Variants in NRXN3 observed in about 807,000 individuals in gnomAD.
NRXN3 encodes the protein neurexin 3.
A neutral mutation model predicts 137.6 loss-of-function variants in NRXN3; 32 were observed. That is an observed-to-expected ratio of 0.23 (90% CI 0.18 to 0.31). The LOEUF is 0.31. NRXN3 is among the 10% of genes least tolerant of loss of function. The probability of loss-of-function intolerance (pLI) is 1.00; values close to 1 mark genes in which losing one functional copy is unlikely to be tolerated. For missense variants in NRXN3, 1,574 were observed against 2,062.5 expected (o/e 0.76, Z 4.59); for synonymous variants, 798 against 784.5 (o/e 1.02, Z -0.29).
intron 1 of NRXN3, among the ~76,000 whole-genome samples, chr14:78,185,496 G>T (rs1164061388): frequency 6.6e-6 from 1 of 152,152 alleles, no homozygotes; most frequent in Non-Finnish European, 1.5e-5. Flanking sequence ...GCTGAGTCAG[G>T]GTTCTGAAGA....
In NRXN3 at chr14:79,742,745, G is replaced by A. The variant is rs774826967; in HGVS notation, c.4014+44808G>A. Among the ~76,000 whole-genome samples, 7 of 152,184 alleles carry A rather than the reference G, an allele frequency of 4.6e-5. No homozygotes were observed. In the East Asian group the frequency reaches 5.8e-4, roughly 13 times the overall value. ...ACAATGCAGCAGAGCCTATATTACC[G>A]CAATTTCTTCTGCACTGAAATTAGA... On this transcript the variant is annotated intron_variant, in intron 19 of 20. Coordinates refer to ENST00000335750, the MANE Select transcript of NRXN3 (RefSeq NM_001330195.2).
At chr14:79,306,436 T>C (rs2086079206) in intron 15 of NRXN3, among the ~76,000 whole-genome samples, 1 of 152,140 alleles carries the variant, frequency 6.6e-6, no homozygotes, top group South Asian at 2.1e-4. Flanking sequence ...CATTTAAATA[T>C]GGTTTTTCTC....
chr14:78,409,851 C>T (rs1287873116), intron 4 of NRXN3, among the ~76,000 whole-genome samples: 1 of 152,158 alleles, frequency 6.6e-6, no homozygotes, highest in Non-Finnish European at 1.5e-5. Flanking sequence ...ACCCAAACTG[C>T]CTTAAGCCAA....
intron 15 of NRXN3, among the ~76,000 whole-genome samples, chr14:79,273,200 A>AAAAAAAAAAAAAAAAAAGG (rs1387362455): frequency 7.8e-6 from 1 of 127,660 alleles, no homozygotes; most frequent in Non-Finnish European, 1.7e-5. Context: ...AAAAAAAAAA[A>AAAAAAAAAAAAAAAAAAGG]TGGGTGGGAG....
At chr14:79,444,921 T>C (rs1389288274) in intron 15 of NRXN3, among the ~76,000 whole-genome samples, 1 of 152,244 alleles carries the variant, frequency 6.6e-6, no homozygotes, top group Non-Finnish European at 1.5e-5. Flanking sequence ...CCTTGTTCTA[T>C]GTGTCTCAGG....
At chr14:78,303,957 C>T (rs1294680215) in intron 4 of NRXN3, among the ~76,000 whole-genome samples, 4 of 152,106 alleles carry the variant, frequency 2.6e-5, no homozygotes, top group Non-Finnish European at 4.4e-5. Context: ...GGGCCAGAGT[C>T]GTACTTAATG....
At chr14:79,227,311 C>T (rs1420403598) in intron 15 of NRXN3, among the ~76,000 whole-genome samples, 1 of 152,056 alleles carries the variant, frequency 6.6e-6, no homozygotes, top group African/African-American at 2.4e-5. Flanking sequence ...TTTCTTTCAC[C>T]TCTTATACTT....
At chr14:79,768,999 G>A (rs1351454991) in intron 19 of NRXN3, among the ~76,000 whole-genome samples, 7 of 151,724 alleles carry the variant, frequency 4.6e-5, no homozygotes, top group East Asian at 1.9e-4. Context: ...GAGCCGATGC[G>A]ATCAACTGGA....
rs1567062327 is a variant in NRXN3 at position 78,243,903 on chromosome 14, G to T, written c.709+101G>T. On this transcript the variant is annotated intron_variant, in intron 2 of 20. Transcript: ENST00000335750. This position sits in a 1 kb window ranked among gnomAD's most constrained non-coding sequence, Gnocchi z 4.2. ...TCTATATGGATGCATATCTTTAGCT[G>T]CATGTTAGATCACTGGGCCCCTTGC... is the stretch of plus-strand genomic sequence containing the variant. 1 of 855,306 alleles carries T rather than the reference G, an allele frequency of 1.2e-6. No individual in the cohort carries two copies. Among genetic ancestry groups the T allele is most frequent in the South Asian group, 1.7e-5 (1 of 58,742 alleles). 53.0% of individuals were successfully genotyped at this position (855,306 alleles called of 1,614,324 possible). A position where few individuals can be genotyped will look rare whatever the true frequency, so the allele number is the denominator to read the frequency against.
intron 19 of NRXN3, among the ~76,000 whole-genome samples, chr14:79,746,739 A>G (rs572250496): frequency 6.6e-6 from 1 of 152,112 alleles, no homozygotes; most frequent in South Asian, 2.1e-4. Flanking sequence ...TTCAAAAGGC[A>G]TCATCTTCTA....
At chr14:78,541,285 C>G (rs767858540) in intron 4 of NRXN3, among the ~76,000 whole-genome samples, 3 of 152,160 alleles carry the variant, frequency 2.0e-5, no homozygotes, top group Non-Finnish European at 4.4e-5. Flanking sequence ...TCACATACTC[C>G]CATATTTCTT....
chr14:79,246,625 G>A (rs1057226312), intron 15 of NRXN3: 1 of 152,020 alleles, frequency 6.6e-6, no homozygotes, highest in Non-Finnish European at 1.5e-5. Context: ...CAGGTGTTTT[G>A]AAAGAAGTTA....
intron 19 of NRXN3, among the ~76,000 whole-genome samples, chr14:79,753,211 C>T (rs2099004922): frequency 6.6e-6 from 1 of 151,916 alleles, no homozygotes; most frequent in Non-Finnish European, 1.5e-5. Flanking sequence ...CCAGCCATCC[C>T]ATTACTGGGT....
chr14:79,562,359 G>A lies in NRXN3; in HGVS notation c.3444+94957G>A, dbSNP rs542349182. Among the ~76,000 whole-genome samples the A allele has an allele frequency of 7.2e-5, 11 of 152,146 alleles. No individual in the cohort carries two copies. In the East Asian group the frequency reaches 1.9e-3, roughly 27 times the overall value. On this transcript the variant is annotated intron_variant, in intron 16 of 20. Transcript: ENST00000335750. ...ATGAATAGTGTCTTCCCTTGTGGTC[G>A]CTCTACTGCTTCCAGCCTGTCATGT...
At chr14:79,051,208 A>G (rs1404236951) in intron 15 of NRXN3, among the ~76,000 whole-genome samples, 2 of 139,812 alleles carry the variant, frequency 1.4e-5, no homozygotes, top group Non-Finnish European at 3.1e-5. Flanking sequence ...GGTAGAGGAG[A>G]TTCGTTTCCT....
At position 78,793,515 on chromosome 14, in the gene NRXN3, C is replaced by T. The variant is rs146429996; in HGVS notation, c.2045-10105C>T. 1.6e-3 allele frequency among the ~76,000 whole-genome samples: 236 copies of T among 152,198 alleles called. 2 individuals are homozygous for T. The highest frequency in any genetic ancestry group is 5.2e-3 in the African/African-American group (217 of 41,530). ...GTAAAATCAGCAATGGAAAAAGGCG[C>T]ATGGGGGCAAAGTCTGGAGGAAACC... On this transcript the variant is annotated intron_variant, in intron 8 of 20. Transcript: ENST00000335750.
intron 15 of NRXN3, among the ~76,000 whole-genome samples, chr14:79,100,736 C>T (rs771978448): frequency 5.9e-5 from 9 of 152,132 alleles, no homozygotes; most frequent in Non-Finnish European, 1.3e-4. Flanking sequence ...GCAAACAAGG[C>T]ATGAAATACC....
At chr14:79,772,022 C>A (rs2099080295) in intron 19 of NRXN3, among the ~76,000 whole-genome samples, 1 of 138,152 alleles carries the variant, frequency 7.2e-6, no homozygotes, top group Non-Finnish European at 1.6e-5. Context: ...AACTCCCAGT[C>A]ACAATTGCTT....
At chr14:78,407,222 C>T (rs1486443640) in intron 4 of NRXN3, among the ~76,000 whole-genome samples, 1 of 152,052 alleles carries the variant, frequency 6.6e-6, no homozygotes, top group African/African-American at 2.4e-5. Context: ...TCCAGAAAAG[C>T]AAAGAAGCAT....
Sources: allele counts gnomAD v4.1 joint callset (sites outside exome capture counted in the v4.1 genomes callset), GRCh38; gene constraint gnomAD v4.1.1; non-coding constraint Gnocchi (gnomAD v3.1); transcripts MANE v1.5; gene names NCBI Gene and HGNC (gene_info 2026-07-23, HGNC 2026-07-21).